TASP1: variants seen among roughly 807,000 people sequenced by gnomAD.
The protein encoded by TASP1 is threonine aspartase 1.
TASP1 carries 16 observed loss-of-function variants against 56.6 expected under a neutral mutation model. The ratio of observed to expected loss-of-function variants is 0.28; its 90% CI spans 0.19 to 0.43. The LOEUF (loss-of-function observed/expected upper bound fraction) is 0.43. Among genes scored for constraint, TASP1 ranks in the 20% least tolerant of loss-of-function variants. The pLI, the probability that TASP1 is intolerant of heterozygous loss-of-function variation, is 1.00. For missense variants in TASP1, 393 were observed against 511.6 expected, an observed-to-expected ratio of 0.77 and a Z score of 2.24; for synonymous variants, 179 against 184.2, an observed-to-expected ratio of 0.97 and a Z score of 0.23.
At chr20:13,150,520 C>A in the TASP1 span, among the ~76,000 whole-genome samples, 661 of 152,296 alleles carry the variant, frequency 4.3e-3, 4 homozygotes, top group African/African-American at 0.015. Context: ...CATCCAGGGA[C>A]TCCAAAGTAA....
the TASP1 span, among the ~76,000 whole-genome samples, chr20:13,160,429 G>C: frequency 6.6e-6 from 1 of 152,176 alleles, no homozygotes; most frequent in Non-Finnish European, 1.5e-5. Context: ...AAATGCAAAA[G>C]CTGGTCTAAA....
At chr20:13,400,711 T>C (rs1008704755) in intron 13 of TASP1, among the ~76,000 whole-genome samples, 4 of 152,268 alleles carry the variant, frequency 2.6e-5, no homozygotes, top group East Asian at 1.9e-4. Context: ...CCAGAAGTAT[T>C]TGAAAGAAAT....
intron 6 of TASP1, among the ~76,000 whole-genome samples, chr20:13,578,551 C>T (rs2147196431): frequency 6.6e-6 from 1 of 152,224 alleles, no homozygotes; most frequent in African/African-American, 2.4e-5. Flanking sequence ...TTTGCTGCCT[C>T]ATAGTCATAA....
the TASP1 span, among the ~76,000 whole-genome samples, chr20:13,294,917 G>A: frequency 1.1e-4 from 16 of 152,260 alleles, no homozygotes; most frequent in East Asian, 1.9e-4. Flanking sequence ...TGAAAGTTGC[G>A]TTGCAATTCA....
At chr20:13,620,265 TAC>T (rs757563847) in intron 4 of TASP1, among the ~76,000 whole-genome samples, 2,860 of 145,140 alleles carry the variant, frequency 0.02, 15 homozygotes, top group Middle Eastern at 0.038. Flanking sequence ...CTGTGGTATT[TAC>T]ACACACACAC....
intron 10 of TASP1, among the ~76,000 whole-genome samples, chr20:13,505,241 T>A (rs1005339404): frequency 6.6e-6 from 1 of 152,154 alleles, no homozygotes; most frequent in East Asian, 1.9e-4. Context: ...TAAATACATA[T>A]GTACCCATCA....
chr20:13,285,158 G>A, the TASP1 span, among the ~76,000 whole-genome samples: 114 of 152,230 alleles, frequency 7.5e-4, 2 homozygotes, highest in Non-Finnish European at 8.8e-5. Context: ...AGGCATGTTG[G>A]CACATGCCTG....
the TASP1 span, among the ~76,000 whole-genome samples, chr20:13,297,669 G>T: frequency 2.0e-5 from 3 of 152,214 alleles, no homozygotes; most frequent in African/African-American, 4.8e-5. Context: ...CTGTTCACAG[G>T]ATCAGTTGTT....
chr20:13,593,578 C>A (rs566478956), intron 4 of TASP1, among the ~76,000 whole-genome samples: 80 of 152,346 alleles, frequency 5.3e-4, no homozygotes, highest in South Asian at 1.2e-3. Flanking sequence ...AGGTCCCACA[C>A]CCATGGAGCC....
chr20:13,417,359 G>GA lies in TASP1; in HGVS notation c.1170+88dup, dbSNP rs1338726311. On this transcript the variant is annotated intron_variant, in intron 13 of 13. Transcript: ENST00000337743. Reference sequence around the variant, plus strand: ...ACAAAGCTACTGCCCAAAAAAAGCTGAAAAAATTCATCCACATCAACTTAG... The same window carrying GA: ...ACAAAGCTACTGCCCAAAAAAAGCTGAAAAAAATTCATCCACATCAACTTAG... 2.0e-5 allele frequency: 29 copies of GA among 1,438,142 alleles called. No individual in the cohort carries two copies. In the African/African-American group the frequency reaches 3.5e-4, roughly 18 times the overall value. 89.1% of individuals were successfully genotyped at this position (1,438,142 alleles called of 1,614,324 possible).
intron 4 of TASP1, among the ~76,000 whole-genome samples, chr20:13,604,110 C>G (rs1260395095): frequency 6.6e-6 from 1 of 152,144 alleles, no homozygotes; most frequent in Non-Finnish European, 1.5e-5. Context: ...TGTCACTTGT[C>G]CATGCTGTAT....
At chr20:13,405,406 T>C (rs949080192) in intron 13 of TASP1, among the ~76,000 whole-genome samples, 4 of 152,340 alleles carry the variant, frequency 2.6e-5, no homozygotes, top group East Asian at 1.9e-4. Flanking sequence ...AATATTTTAT[T>C]AAGGTTGTTG....
the TASP1 span, among the ~76,000 whole-genome samples, chr20:13,143,236 G>A: frequency 2.0e-5 from 3 of 152,208 alleles, no homozygotes; most frequent in East Asian, 5.8e-4. Flanking sequence ...ATGTAGACAA[G>A]AGGGACCCAG....
At chr20:13,566,911 C>T (rs188845612) in intron 7 of TASP1, among the ~76,000 whole-genome samples, 1 of 152,266 alleles carries the variant, frequency 6.6e-6, no homozygotes, top group East Asian at 1.9e-4. Context: ...TTTGACCTAG[C>T]AACCCCGTTA....
intron 12 of TASP1, among the ~76,000 whole-genome samples, chr20:13,429,583 T>C (rs1013804998): frequency 6.6e-6 from 1 of 151,972 alleles, no homozygotes; most frequent in South Asian, 2.1e-4. Context: ...CCATTTGTGC[T>C]ATAGGAAATT....
intron 11 of TASP1, among the ~76,000 whole-genome samples, chr20:13,457,208 C>G (rs2043876627): frequency 6.6e-6 from 1 of 152,010 alleles, no homozygotes; most frequent in Admixed American, 6.6e-5. Flanking sequence ...CAACATGGCA[C>G]ATGTATACCT....
At chr20:13,395,949 C>T (rs532728527) in intron 13 of TASP1, among the ~76,000 whole-genome samples, 2 of 152,010 alleles carry the variant, frequency 1.3e-5, no homozygotes, top group Non-Finnish European at 2.9e-5. Context: ...GATCCGCCTG[C>T]CTTGGCCTCC....
At chr20:13,105,268 A>G in the TASP1 span, among the ~76,000 whole-genome samples, 3 of 76,998 alleles carry the variant, frequency 3.9e-5, no homozygotes, top group Admixed American at 1.4e-4. Context: ...CTGCAGGAGG[A>G]AAAAAAAAAT....
At chr20:13,357,754 C>A in the TASP1 span, among the ~76,000 whole-genome samples, 1 of 152,266 alleles carries the variant, frequency 6.6e-6, no homozygotes, top group East Asian at 1.9e-4. Context: ...ACCCAGTGCT[C>A]AACAGTAGAA....
Sources: gnomAD v4.1 joint callset for allele counts (sites outside exome capture counted in the v4.1 genomes callset) on GRCh38, gnomAD v4.1.1 for gene constraint, MANE v1.5 for transcripts, NCBI Gene and HGNC (gene_info 2026-07-23, HGNC 2026-07-21) for gene names.